The following XKR6 variants were observed in gnomAD, a reference collection of about 807,000 sequenced individuals.
XKR6 encodes XK-related protein 6.
In XKR6, 22 loss-of-function variants were observed where a neutral mutation model predicts 56.7. The ratio of observed to expected loss-of-function variants is 0.39; its 90% CI spans 0.28 to 0.55. The LOEUF (loss-of-function observed/expected upper bound fraction) is 0.55, where lower values mean the gene tolerates loss of function less well. Among genes scored for constraint, XKR6 ranks in the 20% least tolerant of loss-of-function variants. The probability of loss-of-function intolerance (pLI) is 0.66; values close to 1 mark genes in which losing one functional copy is unlikely to be tolerated. For synonymous variants in XKR6, 524 were observed against 387.8 expected (o/e 1.35, Z -4.13); for missense variants, 852 against 889.0 (o/e 0.96, Z 0.53).
chr8:11,019,349 T>C (rs934510401), intron 1 of XKR6, among the ~76,000 whole-genome samples: 2 of 152,228 alleles, frequency 1.3e-5, no homozygotes, highest in Non-Finnish European at 2.9e-5. Flanking sequence ...CAGGGAAGCC[T>C]CCATCCCCTG....
chr8:11,015,101 T>C (rs995302355), intron 1 of XKR6, among the ~76,000 whole-genome samples: 1 of 151,942 alleles, frequency 6.6e-6, no homozygotes, highest in Non-Finnish European at 1.5e-5. Context: ...AGCCGGGACC[T>C]GGGTTGGGAG....
chr8:11,150,581 G>A (rs1467230546), intron 1 of XKR6, among the ~76,000 whole-genome samples: 1 of 152,092 alleles, frequency 6.6e-6, no homozygotes, highest in Non-Finnish European at 1.5e-5. Flanking sequence ...GGCTGGGCGT[G>A]GTGGCTCATA....
intron 1 of XKR6, among the ~76,000 whole-genome samples, chr8:10,930,840 T>C (rs1270334155): frequency 6.6e-6 from 1 of 152,246 alleles, no homozygotes; most frequent in South Asian, 2.1e-4. Flanking sequence ...GATAAAAGAC[T>C]GAATGCTTTT....
At chr8:10,982,573 G>A (rs576090207) in intron 1 of XKR6, among the ~76,000 whole-genome samples, 23 of 152,294 alleles carry the variant, frequency 1.5e-4, no homozygotes, top group Middle Eastern at 3.4e-3. Flanking sequence ...AGGGAAAACG[G>A]GAGAAATGTT....
intron 1 of XKR6, among the ~76,000 whole-genome samples, chr8:11,056,683 G>A (rs542500146): frequency 6.6e-6 from 1 of 152,344 alleles, no homozygotes; most frequent in South Asian, 2.1e-4. Context: ...AGCAATTAAT[G>A]TCACCATTGA....
At chr8:10,942,435 T>TGG (rs1801411351) in intron 1 of XKR6, among the ~76,000 whole-genome samples, 1 of 152,242 alleles carries the variant, frequency 6.6e-6, no homozygotes, top group Non-Finnish European at 1.5e-5. Flanking sequence ...GGGCGAGGTC[T>TGG]CTTGCCTGTG....
At chr8:11,172,227 T>A (rs1166563434) in intron 1 of XKR6, among the ~76,000 whole-genome samples, 1 of 150,586 alleles carries the variant, frequency 6.6e-6, no homozygotes, top group Non-Finnish European at 1.5e-5. Flanking sequence ...AAAATTAGCG[T>A]GGCATTATTG....
At chr8:11,090,678 C>A (rs1274279708) in intron 1 of XKR6, among the ~76,000 whole-genome samples, 1 of 152,124 alleles carries the variant, frequency 6.6e-6, no homozygotes, top group African/African-American at 2.4e-5. Context: ...CTTTTGATTT[C>A]CTCTTCAGAA....
chr8:11,093,485 C>T (rs545304142), intron 1 of XKR6, among the ~76,000 whole-genome samples: 7 of 152,246 alleles, frequency 4.6e-5, no homozygotes, highest in Non-Finnish European at 8.8e-5. Context: ...CCGCACTCCA[C>T]TGTGGGTGGC....
intron 1 of XKR6, among the ~76,000 whole-genome samples, chr8:11,174,804 C>T (rs1307773807): frequency 6.6e-6 from 1 of 152,170 alleles, no homozygotes; most frequent in African/African-American, 2.4e-5. Context: ...ATCTCATCCA[C>T]AGCACCAGAG....
chr8:11,190,476 G>A (rs1803517965), intron 1 of XKR6, among the ~76,000 whole-genome samples: 1 of 152,150 alleles, frequency 6.6e-6, no homozygotes, highest in Admixed American at 6.5e-5. Context: ...CATCTACCCT[G>A]AGAAAGAGAA....
chr8:10,944,553 A>G (rs550295104), intron 1 of XKR6, among the ~76,000 whole-genome samples: 2 of 152,298 alleles, frequency 1.3e-5, no homozygotes, highest in African/African-American at 4.8e-5. Context: ...AGGACCACTC[A>G]AAGGCAAGGT....
At chr8:11,160,725 G>C (rs1024722875) in intron 1 of XKR6, among the ~76,000 whole-genome samples, 1 of 151,852 alleles carries the variant, frequency 6.6e-6, no homozygotes, top group Non-Finnish European at 1.5e-5. Context: ...CTGGCCAACA[G>C]GCTGAAACCC....
At chr8:10,994,389 C>A (rs891185886) in intron 1 of XKR6, among the ~76,000 whole-genome samples, 1 of 152,216 alleles carries the variant, frequency 6.6e-6, no homozygotes, top group African/African-American at 2.4e-5. Flanking sequence ...CCCCATGCAG[C>A]GCTGGAGGGC....
At chr8:11,174,603 C>T (rs902800567) in intron 1 of XKR6, among the ~76,000 whole-genome samples, 3 of 152,200 alleles carry the variant, frequency 2.0e-5, no homozygotes, top group African/African-American at 7.2e-5. Flanking sequence ...ATTAGACATT[C>T]TGTTCTTTCC....
intron 1 of XKR6, among the ~76,000 whole-genome samples, chr8:10,942,933 T>C (rs2129124161): frequency 6.6e-6 from 1 of 152,372 alleles, no homozygotes; most frequent in South Asian, 2.1e-4. Flanking sequence ...TTTCCATGTC[T>C]GACCACATCC....
At chr8:11,160,628 G>A (rs1051154611) in intron 1 of XKR6, among the ~76,000 whole-genome samples, 3 of 152,126 alleles carry the variant, frequency 2.0e-5, no homozygotes, top group African/African-American at 7.2e-5. Flanking sequence ...ATGGTTCACA[G>A]GCTGGGCGTG....
intron 1 of XKR6, among the ~76,000 whole-genome samples, chr8:11,112,641 G>C (rs1798959430): frequency 6.6e-6 from 1 of 152,160 alleles, no homozygotes; most frequent in African/African-American, 2.4e-5. Context: ...CACATCAGGA[G>C]ATATGGTCAA....
At chr8:10,967,947 G>A (rs1441221691) in intron 1 of XKR6, among the ~76,000 whole-genome samples, 1 of 152,168 alleles carries the variant, frequency 6.6e-6, no homozygotes, top group Non-Finnish European at 1.5e-5. Flanking sequence ...CAGAGCCCTA[G>A]GAGATTCCAT....
Sources: gnomAD v4.1 joint callset for allele counts (sites outside exome capture counted in the v4.1 genomes callset) on GRCh38, gnomAD v4.1.1 for gene constraint, MANE v1.5 for transcripts, NCBI Gene and HGNC (gene_info 2026-07-23, HGNC 2026-07-21) for gene names.